The following TMEM255B variants were observed in gnomAD, a reference collection of about 807,000 sequenced individuals.
The protein encoded by TMEM255B is transmembrane protein 255B.
Under a neutral mutation model 34.5 loss-of-function variants are expected in TMEM255B, and 35 were observed. The ratio of observed to expected loss-of-function variants is 1.01; its 90% CI spans 0.77 to 1.34. The LOEUF (loss-of-function observed/expected upper bound fraction) is 1.34, where lower values mean the gene tolerates loss of function less well. TMEM255B is among the 40% of genes most tolerant of loss of function. The probability of loss-of-function intolerance (pLI) is 0.00; values close to 1 mark genes in which losing one functional copy is unlikely to be tolerated. For missense variants in TMEM255B, 432 were observed against 433.2 expected, an observed-to-expected ratio of 1.00 and a Z score of 0.02; for synonymous variants, 206 against 201.2, an observed-to-expected ratio of 1.02 and a Z score of -0.20.
intron 8 of TMEM255B, among the ~76,000 whole-genome samples, chr13:113,808,428 C>G (rs2051225260): frequency 6.6e-6 from 1 of 152,146 alleles, no homozygotes; most frequent in Non-Finnish European, 1.5e-5. Context: ...CCTAGGGGGG[C>G]CCTGTCATTC....
intron 3 of TMEM255B, among the ~76,000 whole-genome samples, chr13:113,774,840 A>G (rs2050542545): frequency 6.6e-6 from 1 of 151,276 alleles, no homozygotes; most frequent in African/African-American, 2.4e-5. Context: ...CACGACACAC[A>G]CAACACACAA....
At chr13:113,773,441 T>C (rs1227774612) in intron 3 of TMEM255B, among the ~76,000 whole-genome samples, 1 of 152,188 alleles carries the variant, frequency 6.6e-6, no homozygotes, top group African/African-American at 2.4e-5. Context: ...ATGGCTTCGG[T>C]AAAAACACAT....
intron 3 of TMEM255B, 51 bp from the exon 4 acceptor site, chr13:113,795,097 A>C (rs2050896875): frequency 6.3e-7 from 1 of 1,578,320 alleles, no homozygotes; most frequent in African/African-American, 1.3e-5. Context: ...TTTGCGTTTG[A>C]AAACCGGGGT....
At chr13:113,807,146 A>C (rs1482069543) in intron 8 of TMEM255B, among the ~76,000 whole-genome samples, 1 of 152,158 alleles carries the variant, frequency 6.6e-6, no homozygotes, top group East Asian at 1.9e-4. Context: ...CCAAGTTTGC[A>C]TTCTGACTTG....
At chr13:113,792,813 C>A (rs2050853611) in intron 3 of TMEM255B, among the ~76,000 whole-genome samples, 1 of 152,258 alleles carries the variant, frequency 6.6e-6, no homozygotes, top group African/African-American at 2.4e-5. Flanking sequence ...CCATGGTTTT[C>A]TGCACAGCTT....
intron 2 of TMEM255B, among the ~76,000 whole-genome samples, chr13:113,768,680 C>G (rs2050430706): frequency 1.3e-5 from 2 of 152,184 alleles, no homozygotes; most frequent in Non-Finnish European, 2.9e-5. Flanking sequence ...CCTGGCAACC[C>G]TTCTTTTGAA....
chr13:113,807,126 C>A (rs2138583223), intron 8 of TMEM255B, among the ~76,000 whole-genome samples: 1 of 152,294 alleles, frequency 6.6e-6, no homozygotes, highest in Middle Eastern at 3.4e-3. Flanking sequence ...CTGTGAGGGG[C>A]CCGGCTTCTC....
At position 113,812,839 on chromosome 13, in the gene TMEM255B, C is replaced by T. The variant is rs114777131; in HGVS notation, c.*936C>T. 1,220 of 148,982 alleles carry T rather than the reference C, an allele frequency of 8.2e-3. 11 individuals are homozygous for T. Among genetic ancestry groups the T allele is most frequent in the African/African-American group, 0.031 (1,143 of 36,856 alleles). 9.2% of individuals were successfully genotyped at this position (148,982 alleles called of 1,614,324 possible). On this transcript the variant is annotated 3_prime_UTR_variant, in exon 9 of 9. Transcript: ENST00000375353. ...CAGGTCCTGAGTGGGTCACAGGTCCCGGGTGGGTCACAGGCATCCCGGGTG... is the reference window on the plus strand; with the variant it reads ...CAGGTCCTGAGTGGGTCACAGGTCCTGGGTGGGTCACAGGCATCCCGGGTG...
chr13:113,766,564 G>T (rs541906965), intron 2 of TMEM255B: 8 of 438,766 alleles, frequency 1.8e-5, no homozygotes, highest in East Asian at 1.4e-4. Context: ...AGGGCAGGAG[G>T]GGGGCCAGAG....
In TMEM255B at chr13:113,812,890, GGCCCCGGGTGAGTCACA is replaced by G. The variant is rs1244466024; in HGVS notation, c.*989_*1005del. On this transcript the variant is annotated 3_prime_UTR_variant, in exon 9 of 9. Transcript: ENST00000375353. ...GGTCACAGGTCCCGAGTGGGTCACAGGCCCCGGGTGAGTCACAGGCCCCGGGTGAGTCACGGGTCCCG... is the reference window on the plus strand; with the variant it reads ...GGTCACAGGTCCCGAGTGGGTCACAGGGCCCCGGGTGAGTCACGGGTCCCG... 6.1e-6 allele frequency: 1 copy of G among 165,160 alleles called. No individual in the cohort carries two copies. The highest frequency in any genetic ancestry group is 2.5e-5 in the African/African-American group (1 of 40,494). The allele number at this position is 165,160 out of a possible 1,614,324, so 10.2% of individuals were successfully genotyped here.
At position 113,772,434 on chromosome 13, in the gene TMEM255B, C is replaced by G. The variant is rs1391347649; in HGVS notation, c.252+3274C>G. Among the ~76,000 whole-genome samples, 4 of 152,106 alleles carry G rather than the reference C, an allele frequency of 2.6e-5. No individual in the cohort carries two copies. The East Asian group carries it at 7.7e-4, about 29-fold the overall frequency. The stretch of plus-strand genomic sequence containing the variant: ...AAATCTAAGGACATGAAGATTTACC[C>G]CTAGATTTTTCTAGAAGAGTTTTGT... On this transcript the variant is annotated intron_variant, in intron 3 of 8. Transcript: ENST00000375353.
chr13:113,806,491 GCCCTGCT>G lies in TMEM255B; in HGVS notation c.813+1469_813+1475del, dbSNP rs1277870961. On this transcript the variant is annotated intron_variant, in intron 8 of 8. Coordinates refer to ENST00000375353, the MANE Select transcript of TMEM255B (RefSeq NM_182614.4). The surrounding 1 kb of genome is among the most constrained non-coding windows in gnomAD (Gnocchi z 4.2). ...CTCTCACTTCGAATATAAAGCTGGG[GCCCTGCT>G]CCCTGGGAACACAAGGCCCCTGCTG... Among the ~76,000 whole-genome samples the G allele has an allele frequency of 6.6e-6, 1 of 152,170 alleles. No homozygotes were observed. The highest frequency in any genetic ancestry group is 1.5e-5 in the Non-Finnish European group (1 of 68,006).
Position 113,795,207 on chromosome 13 carries a change from C to T in TMEM255B, c.312C>T (p.Ile104=), listed in dbSNP as rs545638640. 2.5e-5 allele frequency: 41 copies of T among 1,613,864 alleles called. 1 individual carries two copies. Among genetic ancestry groups the T allele is most frequent in the African/African-American group, 6.7e-5 (5 of 75,056 alleles). The change falls in exon 4 of 9, where the codon ATC becomes ATT. Residue 104 remains isoleucine, a synonymous_variant. Coordinates refer to ENST00000375353, the MANE Select transcript of TMEM255B (RefSeq NM_182614.4). ...TGGTGGCCGCCTTCTGCTGCGCCAT[C>T]GTGGACGGCGTATTTGCAGCACAGC... ...FGVVAAFCCA[I]VDGVFAAQHI...
chr13:113,808,045 C>G (rs764445038), intron 8 of TMEM255B, among the ~76,000 whole-genome samples: 1 of 152,172 alleles, frequency 6.6e-6, no homozygotes, highest in Admixed American at 6.5e-5. Flanking sequence ...AATATACGCA[C>G]GCTGATAATT....
At chr13:113,793,268 TAACTGCC>T (rs2050862053) in intron 3 of TMEM255B, among the ~76,000 whole-genome samples, 1 of 152,254 alleles carries the variant, frequency 6.6e-6, no homozygotes, top group South Asian at 2.1e-4. Context: ...AGCTTCCTGC[TAACTGCC>T]CGGACTTTGT....
chr13:113,796,596 T>G (rs2050945536), intron 4 of TMEM255B, among the ~76,000 whole-genome samples: 1 of 151,986 alleles, frequency 6.6e-6, no homozygotes, highest in Non-Finnish European at 1.5e-5. Flanking sequence ...TGAACAGGTT[T>G]TCTCTAAAGT....
chr13:113,812,817 G>C lies in TMEM255B; in HGVS notation c.*914G>C. On this transcript the variant is annotated 3_prime_UTR_variant, in exon 9 of 9. Transcript: ENST00000375353. ...AGGACAGGTCTCAGGTGGGTCACAG[G>C]TCCTGAGTGGGTCACAGGTCCCGGG... is the stretch of plus-strand genomic sequence containing the variant. The C allele has an allele frequency of 6.9e-6, 1 of 143,990 alleles. No individual in the cohort carries two copies. The highest frequency in any genetic ancestry group is 1.7e-4 in the South Asian group (1 of 5,736). 8.9% of individuals were successfully genotyped at this position (143,990 alleles called of 1,614,324 possible).
At chr13:113,799,210 A>G in intron 4 of TMEM255B, 129 bp from the exon 5 acceptor site, 1 of 761,522 alleles carries the variant, frequency 1.3e-6, no homozygotes, top group South Asian at 1.7e-5. Context: ...TGTGTCTGGG[A>G]GGCTCAAGTT....
At chr13:113,783,617 AG>A (rs1252316544) in intron 3 of TMEM255B, among the ~76,000 whole-genome samples, 2 of 152,212 alleles carry the variant, frequency 1.3e-5, no homozygotes, top group African/African-American at 4.8e-5. Context: ...CATGAACGCA[AG>A]CAGTGCCTTC....
Sources: gnomAD v4.1 joint callset for allele counts (sites outside exome capture counted in the v4.1 genomes callset) on GRCh38, gnomAD v4.1.1 for gene constraint, Gnocchi (gnomAD v3.1) non-coding constraint, MANE v1.5 for transcripts, NCBI Gene and HGNC (gene_info 2026-07-23, HGNC 2026-07-21) for gene names.